FYCO1: variants seen among roughly 807,000 people sequenced by gnomAD.
FYCO1 encodes FYVE and coiled-coil domain autophagy adaptor 1.
FYCO1 carries 122 observed loss-of-function variants against 165.1 expected under a neutral mutation model. That is an observed-to-expected ratio of 0.74 (90% CI 0.64 to 0.86). The LOEUF (loss-of-function observed/expected upper bound fraction) is 0.86, where lower values mean the gene tolerates loss of function less well. Ranked by LOEUF, FYCO1 falls within the 40% of genes least tolerant of loss-of-function variation. FYCO1 has a pLI of 0.00. For missense variants in FYCO1, 1,702 were observed against 1,810.3 expected, an observed-to-expected ratio of 0.94 and a Z score of 1.09; for synonymous variants, 648 against 742.5, an observed-to-expected ratio of 0.87 and a Z score of 2.07.
rs1227502664 is a variant in FYCO1, at chr3:45,931,224, C to A, written c.4098G>T (p.Glu1366Asp). ...EIASFGEGSRELFVRSSTYSL... is the reference protein window; with the variant it reads ...EIASFGEGSRDLFVRSSTYSL... ...TGTAGGTGCTGGACCTCACAAACAGCTCCCTGCTACCCTCCCCGAAGCTGG... is the reference window on the plus strand; with the variant it reads ...TGTAGGTGCTGGACCTCACAAACAGATCCCTGCTACCCTCCCCGAAGCTGG... The change falls in exon 16 of 18, where the codon GAG (glutamate) becomes GAT (aspartate). Residue 1366 changes from glutamate to aspartate, a missense_variant. Glu to Asp is a conservative substitution (Grantham distance 45). Coordinates refer to ENST00000296137, the MANE Select transcript of FYCO1 (RefSeq NM_024513.4). 1.9e-6 allele frequency: 3 copies of A among 1,614,062 alleles called. No homozygotes were observed. The South Asian group carries it at 3.3e-5, about 18-fold the overall frequency.
chr3:45,934,491 A>G (rs1072755), intron 15 of FYCO1, among the ~76,000 whole-genome samples: 57,479 of 152,138 alleles, frequency 0.38, 11,797 homozygotes, highest in East Asian at 0.66. Flanking sequence ...AGCAGCACAC[A>G]TATTTCAAAT....
intron 10 of FYCO1, among the ~76,000 whole-genome samples, chr3:45,963,291 T>C (rs1055734720): frequency 5.9e-5 from 9 of 152,274 alleles, no homozygotes; most frequent in African/African-American, 1.9e-4. Flanking sequence ...TGTACAGCTT[T>C]GAGCAACTGA....
chr3:45,991,750 C>T (rs555829226), intron 1 of FYCO1, among the ~76,000 whole-genome samples: 18 of 152,308 alleles, frequency 1.2e-4, no homozygotes, highest in African/African-American at 4.3e-4. Flanking sequence ...CCCTGCTAAC[C>T]CAAACCTCCT....
intron 16 of FYCO1, among the ~76,000 whole-genome samples, chr3:45,925,993 G>A (rs760295128): frequency 1.3e-5 from 2 of 152,172 alleles, no homozygotes; most frequent in African/African-American, 2.4e-5. Context: ...GAAAACATAT[G>A]AAAGGACAGT....
intron 16 of FYCO1, among the ~76,000 whole-genome samples, chr3:45,929,539 A>G (rs1016954388): frequency 6.6e-6 from 1 of 152,066 alleles, no homozygotes; most frequent in Non-Finnish European, 1.5e-5. Flanking sequence ...CGTGATGGTG[A>G]GTGGCAAGGG....
chr3:45,968,242 A>C lies in FYCO1; in HGVS notation c.1092T>G (p.His364Gln). 1 of 1,613,980 alleles carries C rather than the reference A, an allele frequency of 6.2e-7. No homozygotes were observed. Among genetic ancestry groups the C allele is most frequent in the Non-Finnish European group, 8.5e-7 (1 of 1,180,024 alleles). The change falls in exon 8 of 18, where the codon CAT becomes CAG. Residue 364 changes from histidine to glutamine, a missense_variant. Physicochemically the swap from His to Gln is conservative, Grantham distance 24. Coordinates refer to ENST00000296137, the MANE Select transcript of FYCO1 (RefSeq NM_024513.4). Reference sequence around the variant, plus strand: ...CTAGCCAGCCTGGGAAGCTGGCTAAATGCTGGTTTTTCTTGTCCAGTGAGT... The same window carrying C: ...CTAGCCAGCCTGGGAAGCTGGCTAACTGCTGGTTTTTCTTGTCCAGTGAGT... ...TRDSLDKKNQ[H>Q]LASFPGWLAM...
At position 45,933,831 on chromosome 3, in the gene FYCO1, A is replaced by C. The variant is rs145557007; in HGVS notation, c.4041-2550T>G. Among the ~76,000 whole-genome samples the C allele has an allele frequency of 9.2e-5, 14 of 152,354 alleles. No individual in the cohort carries two copies. In the East Asian group the frequency reaches 2.7e-3, roughly 29 times the overall value. Reference sequence around the variant, plus strand: ...CTGACATCAACCAGATGCTGGAGTTATCTGTCAAGGCTTTTAAAGCAGCCA... The same window carrying C: ...CTGACATCAACCAGATGCTGGAGTTCTCTGTCAAGGCTTTTAAAGCAGCCA... On this transcript the variant is annotated intron_variant, in intron 15 of 17. Transcript: ENST00000296137.
intron 1 of FYCO1, among the ~76,000 whole-genome samples, chr3:45,990,105 C>T (rs534814115): frequency 2.6e-5 from 4 of 152,184 alleles, no homozygotes; most frequent in Non-Finnish European, 4.4e-5. Context: ...CTCTCCTGAC[C>T]GAAGTGTCAG....
Position 45,967,126 on chromosome 3 carries a change from C to T in FYCO1, c.2208G>A (p.Gln736=), listed in dbSNP as rs761365654. The T allele has an allele frequency of 1.9e-6, 3 of 1,613,964 alleles. No homozygotes were observed. In the East Asian group the frequency reaches 6.7e-5, roughly 36 times the overall value. Residue 736 remains glutamine, a synonymous_variant, in exon 8 of 18, where the codon CAG becomes CAA. Coordinates refer to ENST00000296137, the MANE Select transcript of FYCO1 (RefSeq NM_024513.4). ...RHRELRALES[Q]CQQQTQLIEV... ...CAATCAGCTGGGTCTGCTGCTGGCA[C>T]TGGCTCTCGAGAGCCCTAAGCTCTC... is the stretch of plus-strand genomic sequence containing the variant.
At chr3:45,966,255 A>C in intron 8 of FYCO1, 22 bp downstream of exon 8, 4 of 1,611,340 alleles carry the variant, frequency 2.5e-6, no homozygotes, top group Non-Finnish European at 1.7e-6. Context: ...GGTAGAGCCC[A>C]AGTGGTTGAA....
Position 45,966,499 on chromosome 3 carries a change from C to G in FYCO1, c.2835G>C (p.Glu945Asp). Residue 945 changes from glutamate to aspartate, a missense_variant, in exon 8 of 18, where the codon GAG (glutamate) becomes GAC (aspartate). Transcript: ENST00000296137. ...GCCCAGCTACTTGGCGCTCCAGGCCCTCTCGCTCCCTTGAGGCTGCCTCTT... is the reference window on the plus strand; with the variant it reads ...GCCCAGCTACTTGGCGCTCCAGGCCGTCTCGCTCCCTTGAGGCTGCCTCTT... Reference protein sequence around the residue: ...DAKEAASREREGLERQVAGLQ... With the variant: ...DAKEAASRERDGLERQVAGLQ... 1 of 1,612,136 alleles carries G rather than the reference C, an allele frequency of 6.2e-7. No homozygotes were observed.
intron 16 of FYCO1, among the ~76,000 whole-genome samples, chr3:45,929,975 C>T (rs112100993): frequency 0.012 from 1,849 of 152,264 alleles, 18 homozygotes; most frequent in Non-Finnish European, 0.019. Context: ...CCTCCTCATC[C>T]CTCAGCCTCA....
intron 15 of FYCO1, among the ~76,000 whole-genome samples, chr3:45,936,034 T>G (rs1204698661): frequency 6.6e-6 from 1 of 152,222 alleles, no homozygotes; most frequent in African/African-American, 2.4e-5. Context: ...TGCATATATG[T>G]GTATAAAAAA....
chr3:45,935,541 T>C (rs1345400649), intron 15 of FYCO1, among the ~76,000 whole-genome samples: 1 of 152,168 alleles, frequency 6.6e-6, no homozygotes, highest in Non-Finnish European at 1.5e-5. Context: ...GTGCTGCCTG[T>C]TCCCTCTGCC....
At chr3:45,923,851 A>G in intron 16 of FYCO1, 86 bp from the exon 17 acceptor site, 2 of 903,718 alleles carry the variant, frequency 2.2e-6, no homozygotes, top group South Asian at 2.6e-5. Flanking sequence ...ATTTTGGGGT[A>G]GGAGGCTGAG....
chr3:45,974,019 C>A (rs1559463792), intron 5 of FYCO1, among the ~76,000 whole-genome samples: 1 of 152,158 alleles, frequency 6.6e-6, no homozygotes, highest in Admixed American at 6.5e-5. Context: ...CATGATCATG[C>A]CACTGCACTC....
rs933222271 is a variant in FYCO1, at chr3:45,987,911, A to G, written c.-112-2889T>C. Among the ~76,000 whole-genome samples the G allele has an allele frequency of 1.4e-3, 211 of 152,366 alleles. 9 individuals are homozygous for G. Among genetic ancestry groups the G allele is most frequent in the Admixed American group, 0.014 (209 of 15,302 alleles). ...AACAGCATCATAAGCCTGAACACAG[A>G]TGGCAACACACTCCTTTAAGACTTC... On this transcript the variant is annotated intron_variant, in intron 1 of 17. Coordinates refer to ENST00000296137, the MANE Select transcript of FYCO1 (RefSeq NM_024513.4).
At chr3:45,939,745 T>C (rs1393161288) in intron 14 of FYCO1, among the ~76,000 whole-genome samples, 2 of 152,228 alleles carry the variant, frequency 1.3e-5, no homozygotes, top group African/African-American at 2.4e-5. Context: ...CAGCCTCCAT[T>C]TGTGAACAGT....
intron 5 of FYCO1, among the ~76,000 whole-genome samples, chr3:45,973,942 T>G (rs1299607515): frequency 6.6e-6 from 1 of 152,020 alleles, no homozygotes; most frequent in Admixed American, 6.5e-5. Flanking sequence ...GTACCTGTAG[T>G]CCCAGCTTCT....
Sources: gnomAD v4.1 joint callset for allele counts (sites outside exome capture counted in the v4.1 genomes callset) on GRCh38, gnomAD v4.1.1 for gene constraint, MANE v1.5 for transcripts, NCBI Gene and HGNC (gene_info 2026-07-23, HGNC 2026-07-21) for gene names.